Variants in NRXN3 observed in about 807,000 individuals in gnomAD.
The protein encoded by NRXN3 is neurexin III.
In NRXN3, 32 loss-of-function variants were observed where a neutral mutation model predicts 137.6. That is an observed-to-expected ratio of 0.23 (90% CI 0.18 to 0.31). NRXN3 has a LOEUF of 0.31. Among genes scored for constraint, NRXN3 ranks in the 10% least tolerant of loss-of-function variants. The probability of loss-of-function intolerance (pLI) is 1.00; values close to 1 mark genes in which losing one functional copy is unlikely to be tolerated. For missense variants in NRXN3, 1,574 were observed against 2,062.5 expected, an observed-to-expected ratio of 0.76 and a Z score of 4.59; for synonymous variants, 798 against 784.5, an observed-to-expected ratio of 1.02 and a Z score of -0.29.
chr14:78,728,820 AC>A (rs2098500276), intron 8 of NRXN3, among the ~76,000 whole-genome samples: 1 of 152,136 alleles, frequency 6.6e-6, no homozygotes, highest in Admixed American at 6.5e-5. Flanking sequence ...AATCGCATGA[AC>A]CCAGGAGGCG....
At chr14:79,555,895 T>A (rs1368821656) in intron 16 of NRXN3, among the ~76,000 whole-genome samples, 1 of 152,180 alleles carries the variant, frequency 6.6e-6, no homozygotes, top group Non-Finnish European at 1.5e-5. Context: ...CAAATTGCTC[T>A]ACTAAAATAA....
At chr14:79,178,659 T>TGAAA in intron 15 of NRXN3, among the ~76,000 whole-genome samples, 1 of 152,240 alleles carries the variant, frequency 6.6e-6, no homozygotes, top group Non-Finnish European at 1.5e-5. Context: ...TGCTGTTAGG[T>TGAAA]TCTGTGTTTT....
At chr14:78,518,930 A>G (rs2096249524) in intron 4 of NRXN3, among the ~76,000 whole-genome samples, 2 of 152,042 alleles carry the variant, frequency 1.3e-5, no homozygotes, top group Admixed American at 1.3e-4. Context: ...CTCCCCTGGA[A>G]TCTAGTATTG....
chr14:79,686,693 A>C (rs1431404435), intron 17 of NRXN3, among the ~76,000 whole-genome samples: 1 of 152,188 alleles, frequency 6.6e-6, no homozygotes, highest in Non-Finnish European at 1.5e-5. Flanking sequence ...CTTGATTCAA[A>C]GTTTGTCTGA....
intron 19 of NRXN3, among the ~76,000 whole-genome samples, chr14:79,781,553 C>T (rs905170347): frequency 2.0e-5 from 3 of 152,214 alleles, no homozygotes; most frequent in Admixed American, 6.5e-5. Context: ...AGGCTTCCAG[C>T]CCTCTGAGCT....
chr14:79,837,042 A>G (rs2099345592), intron 20 of NRXN3, among the ~76,000 whole-genome samples: 1 of 152,168 alleles, frequency 6.6e-6, no homozygotes, highest in Non-Finnish European at 1.5e-5. Flanking sequence ...TTGTCATGCC[A>G]CTTCAAGAAA....
chr14:78,954,942 G>T (rs753828505), intron 10 of NRXN3, among the ~76,000 whole-genome samples: 3 of 152,068 alleles, frequency 2.0e-5, no homozygotes, highest in Admixed American at 1.3e-4. Context: ...CTGAGAGAAA[G>T]CTCGTTTTAT....
intron 10 of NRXN3, among the ~76,000 whole-genome samples, chr14:78,883,440 C>A (rs2099134955): frequency 6.6e-6 from 1 of 152,048 alleles, no homozygotes; most frequent in East Asian, 1.9e-4. Flanking sequence ...AGGTTCTCAG[C>A]AATTTTAAAA....
At chr14:79,124,175 C>A (rs1285597038) in intron 15 of NRXN3, among the ~76,000 whole-genome samples, 1 of 152,136 alleles carries the variant, frequency 6.6e-6, no homozygotes, top group African/African-American at 2.4e-5. Flanking sequence ...GTCATCCTTG[C>A]TGCTTTAGCT....
chr14:79,858,813 C>T (rs887081801), intron 20 of NRXN3, among the ~76,000 whole-genome samples: 1 of 152,046 alleles, frequency 6.6e-6, no homozygotes, highest in Non-Finnish European at 1.5e-5. Context: ...CCACTTGGGA[C>T]CCCCTAGCAG....
chr14:79,117,704 T>C (rs777498491), intron 15 of NRXN3, among the ~76,000 whole-genome samples: 2 of 152,170 alleles, frequency 1.3e-5, no homozygotes, highest in Non-Finnish European at 2.9e-5. Context: ...GCATTTTCAG[T>C]CTTTGGCAGC....
intron 1 of NRXN3, among the ~76,000 whole-genome samples, chr14:78,201,955 TG>T (rs2061722260): frequency 6.6e-6 from 1 of 152,208 alleles, no homozygotes; most frequent in Non-Finnish European, 1.5e-5. Context: ...GGGCGGAAAT[TG>T]GCTACAGCGA....
At chr14:79,336,389 T>C (rs2092262449) in intron 15 of NRXN3, among the ~76,000 whole-genome samples, 1 of 152,092 alleles carries the variant, frequency 6.6e-6, no homozygotes, top group Non-Finnish European at 1.5e-5. Context: ...GGGCACTGAG[T>C]GGCCCAAAAC....
chr14:78,624,780 G>A (rs557565152), intron 4 of NRXN3, among the ~76,000 whole-genome samples: 12 of 152,096 alleles, frequency 7.9e-5, no homozygotes, highest in Non-Finnish European at 1.3e-4. Context: ...CCAGTCCCAC[G>A]TCTACTGACC....
rs34694236 is a variant in NRXN3, at chr14:78,711,467, G to A, written c.1660+1812G>A. ...TTTTTTTTTTTTTTTTTGAGACAGA[G>A]TTTCTCTCTTGCTGCCCAGGCTGGA... On this transcript the variant is annotated intron_variant, in intron 7 of 20. Transcript: ENST00000335750. Among the ~76,000 whole-genome samples, 1,066 of 110,396 alleles carry A rather than the reference G, an allele frequency of 9.7e-3. 71 individuals carry two copies. In the East Asian group the frequency reaches 0.19, roughly 19 times the overall value. The allele number at this position is 110,396 out of a possible 152,430, so 72.4% of individuals were successfully genotyped here. A position where few individuals can be genotyped will look rare whatever the true frequency, so the allele number is the denominator to read the frequency against.
intron 19 of NRXN3, among the ~76,000 whole-genome samples, chr14:79,790,311 G>C (rs927166063): frequency 2.1e-5 from 3 of 142,870 alleles, no homozygotes; most frequent in African/African-American, 5.1e-5. Flanking sequence ...AAGGGAGACA[G>C]GAGGAGGAGG....
chr14:79,432,826 C>T (rs560527472), intron 15 of NRXN3, among the ~76,000 whole-genome samples: 5 of 152,106 alleles, frequency 3.3e-5, no homozygotes, highest in East Asian at 1.9e-4. Flanking sequence ...GTGATTGGCA[C>T]GTGTTACTGA....
chr14:79,443,380 T>C (rs746499445), intron 15 of NRXN3, among the ~76,000 whole-genome samples: 1 of 152,204 alleles, frequency 6.6e-6, no homozygotes, highest in African/African-American at 2.4e-5. Flanking sequence ...TTAGATCTGG[T>C]CCGTAGTGGG....
chr14:79,307,189 T>C (rs2086235678), intron 15 of NRXN3, among the ~76,000 whole-genome samples: 1 of 152,070 alleles, frequency 6.6e-6, no homozygotes, highest in Non-Finnish European at 1.5e-5. Context: ...ACTATCCTAA[T>C]TTCCTCATAT....
Sources: gnomAD v4.1 joint callset for allele counts (sites outside exome capture counted in the v4.1 genomes callset) on GRCh38, gnomAD v4.1.1 for gene constraint, MANE v1.5 for transcripts, NCBI Gene and HGNC (gene_info 2026-07-23, HGNC 2026-07-21) for gene names.